CKS1B: variants seen among roughly 807,000 people sequenced by gnomAD.
CKS1B encodes the protein cyclin-dependent kinases regulatory subunit 1.
In CKS1B, 5 loss-of-function variants were observed where a neutral mutation model predicts 12.2. The observed-to-expected ratio is 0.41, with a 90% CI of 0.21 to 0.86. The LOEUF is 0.86. Among genes scored for constraint, CKS1B ranks in the 40% least tolerant of loss-of-function variants. The probability of loss-of-function intolerance (pLI) is 0.32; values close to 1 mark genes in which losing one functional copy is unlikely to be tolerated. For synonymous variants in CKS1B, 24 were observed against 34.4 expected (o/e 0.70, Z 1.06); for missense variants, 53 against 99.9 (o/e 0.53, Z 2.00).
intron 2 of CKS1B, chr1:154,978,414 T>A: frequency 1.8e-6 from 1 of 545,450 alleles, no homozygotes; most frequent in Non-Finnish European, 3.2e-6. Context: ...ATCGAAAACA[T>A]TCTTGGATGT....
At chr1:154,975,040 C>T in intron 1 of CKS1B, 2 of 1,112,598 alleles carry the variant, frequency 1.8e-6, no homozygotes, top group South Asian at 1.3e-5. Context: ...GAGGGGTGGG[C>T]GTGGTTAGGG....
chr1:154,975,114 A>G, intron 1 of CKS1B: 1 of 640,742 alleles, frequency 1.6e-6, no homozygotes, highest in East Asian at 2.7e-5. Flanking sequence ...GGCAAACTTA[A>G]CTTGCCTTGT....
intron 1 of CKS1B, 182 bp from the exon 2 acceptor site, chr1:154,977,805 C>A: frequency 1.7e-6 from 1 of 578,672 alleles, no homozygotes; most frequent in Non-Finnish European, 2.9e-6. Flanking sequence ...TTTTAATATA[C>A]TCTCGGAATT....
intron 1 of CKS1B, 29 bp downstream of exon 1, chr1:154,974,833 G>C (rs1297690644): frequency 6.2e-7 from 1 of 1,613,996 alleles, no homozygotes; most frequent in Non-Finnish European, 8.5e-7. Flanking sequence ...GCAATAGCGA[G>C]GGTCGTGAGC....
At chr1:154,976,753 G>A (rs910047006) in intron 1 of CKS1B, among the ~76,000 whole-genome samples, 3 of 152,200 alleles carry the variant, frequency 2.0e-5, no homozygotes, top group Non-Finnish European at 4.4e-5. Context: ...TGCCAGGGTG[G>A]TGTTAGAATG....
intron 1 of CKS1B, chr1:154,977,667 C>T (rs1401519637): frequency 1.2e-5 from 3 of 250,702 alleles, no homozygotes; most frequent in Non-Finnish European, 2.3e-5. Flanking sequence ...ATTATTAACA[C>T]TGTGTGCTCC....
chr1:154,975,053 C>A, intron 1 of CKS1B: 1 of 907,812 alleles, frequency 1.1e-6, no homozygotes. Flanking sequence ...GGTTAGGGTA[C>A]TGACCACCCT....
At chr1:154,974,878 G>T in intron 1 of CKS1B, 74 bp downstream of exon 1, 3 of 1,614,046 alleles carry the variant, frequency 1.9e-6, no homozygotes, top group Non-Finnish European at 2.5e-6. Context: ...TTAGTAACAG[G>T]AACTGAGGCG....
intron 1 of CKS1B, among the ~76,000 whole-genome samples, chr1:154,976,511 ACATAAT>A: frequency 6.6e-6 from 1 of 152,376 alleles, no homozygotes; most frequent in Non-Finnish European, 1.5e-5. Context: ...ATTGACAAAT[ACATAAT>A]CATCTTTATG....
intron 1 of CKS1B, among the ~76,000 whole-genome samples, chr1:154,976,374 T>A (rs1238486276): frequency 6.6e-6 from 1 of 152,226 alleles, no homozygotes; most frequent in Non-Finnish European, 1.5e-5. Flanking sequence ...ATTGTAATAA[T>A]TAAGACCACT....
chr1:154,976,506 C>A (rs1657190323), intron 1 of CKS1B, among the ~76,000 whole-genome samples: 1 of 152,244 alleles, frequency 6.6e-6, no homozygotes, highest in South Asian at 2.1e-4. Context: ...TGTGCATTGA[C>A]AAATACATAA....
At chr1:154,975,207 C>G in intron 1 of CKS1B, 1 of 577,606 alleles carries the variant, frequency 1.7e-6, no homozygotes, top group South Asian at 2.1e-5. Flanking sequence ...GCGTCCCTAA[C>G]AGGAGAGTAG....
At chr1:154,978,611 A>G in intron 2 of CKS1B, 114 bp from the exon 3 acceptor site, 2 of 845,668 alleles carry the variant, frequency 2.4e-6, no homozygotes, top group Non-Finnish European at 3.9e-6. Flanking sequence ...TTAAGTCTTT[A>G]TTTAGTTATA....
intron 1 of CKS1B, 57 bp from the exon 2 acceptor site, chr1:154,977,930 C>CT (rs774048588): frequency 1.7e-5 from 26 of 1,552,716 alleles, no homozygotes; most frequent in Non-Finnish European, 2.1e-5. Flanking sequence ...AGGCATTTGT[C>CT]TAAGAGACTG....
intron 1 of CKS1B, among the ~76,000 whole-genome samples, chr1:154,976,222 C>T (rs74116267): frequency 0.014 from 2,115 of 152,272 alleles, 49 homozygotes; most frequent in African/African-American, 0.049. Context: ...CACTGGATAG[C>T]CATCTGCCAA....
Position 154,978,983 on chromosome 1 carries a change from GACCCACAGC to G in CKS1B, c.*207_*215del, listed in dbSNP as rs1256539479. 3.0e-5 allele frequency: 17 copies of G among 568,048 alleles called. No homozygotes were observed. The highest frequency in any genetic ancestry group is 4.8e-5 in the Non-Finnish European group (15 of 315,476). The allele number at this position is 568,048 out of a possible 1,614,324, so 35.2% of individuals were successfully genotyped here. On this transcript the variant is annotated 3_prime_UTR_variant, in exon 3 of 3. Coordinates refer to ENST00000308987, the MANE Select transcript of CKS1B (RefSeq NM_001826.3). ...AGCCCAGCCAGATGAGTGCTCTGTG[GACCCACAGC>G]CTAAGCTGAGTGTGACCCCAGAAGC...
intron 2 of CKS1B, 46 bp from the exon 3 acceptor site, chr1:154,978,679 A>G: frequency 6.4e-7 from 1 of 1,556,800 alleles, no homozygotes; most frequent in Non-Finnish European, 8.9e-7. Context: ...TAGGTTGTAC[A>G]TAGAATGGTG....
At chr1:154,976,969 C>T (rs1657203769) in intron 1 of CKS1B, among the ~76,000 whole-genome samples, 3 of 151,998 alleles carry the variant, frequency 2.0e-5, no homozygotes, top group East Asian at 1.9e-4. Context: ...GGAATTTACC[C>T]AGAAAGTCTC....
At chr1:154,975,150 C>T (rs1041447968) in intron 1 of CKS1B, 3 of 596,702 alleles carry the variant, frequency 5.0e-6, no homozygotes, top group African/African-American at 3.7e-5. Context: ...GTAATCTTGT[C>T]GAATCCAGTG....
Sources: gnomAD v4.1 joint callset for allele counts (sites outside exome capture counted in the v4.1 genomes callset) on GRCh38, gnomAD v4.1.1 for gene constraint, MANE v1.5 for transcripts, NCBI Gene and HGNC (gene_info 2026-07-23, HGNC 2026-07-21) for gene names.